CDH13: variants seen among roughly 807,000 people sequenced by gnomAD.
The protein encoded by CDH13 is cadherin-13.
CDH13 carries 24 observed loss-of-function variants against 63.8 expected under a neutral mutation model. The observed-to-expected ratio is 0.38, with a 90% CI of 0.27 to 0.53. The LOEUF (loss-of-function observed/expected upper bound fraction) is 0.53. Among genes scored for constraint, CDH13 ranks in the 20% least tolerant of loss-of-function variants. The probability of loss-of-function intolerance (pLI) is 0.85; values close to 1 mark genes in which losing one functional copy is unlikely to be tolerated. For synonymous variants in CDH13, 503 were observed against 355.3 expected (o/e 1.42, Z -4.67); for missense variants, 1,049 against 903.1 (o/e 1.16, Z -2.07).
intron 4 of CDH13, among the ~76,000 whole-genome samples, chr16:83,139,928 G>A (rs1271169587): frequency 6.6e-6 from 1 of 152,112 alleles, no homozygotes; most frequent in Non-Finnish European, 1.5e-5. Flanking sequence ...CTTGAACCCA[G>A]GAGGCAGAAG....
chr16:83,656,577 A>T (rs1313403775), intron 8 of CDH13, among the ~76,000 whole-genome samples: 1 of 152,124 alleles, frequency 6.6e-6, no homozygotes, highest in Non-Finnish European at 1.5e-5. Flanking sequence ...AGAACCCCTG[A>T]GCCATGTTAA....
intron 7 of CDH13, among the ~76,000 whole-genome samples, chr16:83,551,054 TTATATC>T (rs1184832540): frequency 0.053 from 601 of 11,296 alleles, 5 homozygotes; most frequent in Middle Eastern, 0.071. Context: ...CTTAAGTCAT[TTATATC>T]TATCTATCTA....
At chr16:82,681,824 G>A (rs1054113272) in intron 1 of CDH13, among the ~76,000 whole-genome samples, 1 of 152,214 alleles carries the variant, frequency 6.6e-6, no homozygotes. Flanking sequence ...GCGTCAATGT[G>A]TAAACACCAA....
At chr16:82,907,626 C>G (rs559343178) in intron 2 of CDH13, among the ~76,000 whole-genome samples, 3 of 152,260 alleles carry the variant, frequency 2.0e-5, no homozygotes, top group East Asian at 3.9e-4. Flanking sequence ...CATGGTGAGG[C>G]CAAAGCCATG....
At chr16:83,586,843 T>C (rs753893292) in intron 7 of CDH13, among the ~76,000 whole-genome samples, 3 of 152,230 alleles carry the variant, frequency 2.0e-5, no homozygotes, top group Non-Finnish European at 4.4e-5. Flanking sequence ...AATTAGCTTT[T>C]GGACAACAGC....
intron 2 of CDH13, among the ~76,000 whole-genome samples, chr16:82,921,240 G>C (rs1414517821): frequency 6.6e-6 from 1 of 152,082 alleles, no homozygotes; most frequent in Non-Finnish European, 1.5e-5. Flanking sequence ...GCATCAGTGG[G>C]TGGAATTAAG....
At chr16:83,738,778 T>C (rs951454101) in intron 10 of CDH13, among the ~76,000 whole-genome samples, 1 of 152,140 alleles carries the variant, frequency 6.6e-6, no homozygotes, top group Non-Finnish European at 1.5e-5. Context: ...TGGTTGCACA[T>C]GCCTGTAATC....
At chr16:83,214,306 G>C (rs1246031459) in intron 4 of CDH13, among the ~76,000 whole-genome samples, 1 of 151,976 alleles carries the variant, frequency 6.6e-6, no homozygotes, top group East Asian at 1.9e-4. Context: ...TAGGCCGGAC[G>C]TGGTGGCTCA....
intron 6 of CDH13, among the ~76,000 whole-genome samples, chr16:83,371,802 A>T (rs2091372056): frequency 6.6e-6 from 1 of 152,230 alleles, no homozygotes; most frequent in Admixed American, 6.5e-5. Context: ...ACAGTGCTTC[A>T]CGAGTCTTTT....
intron 10 of CDH13, among the ~76,000 whole-genome samples, chr16:83,698,194 G>A (rs1905677539): frequency 6.6e-6 from 1 of 152,266 alleles, no homozygotes; most frequent in Non-Finnish European, 1.5e-5. Context: ...CAGGACTGTA[G>A]TGTGTCCTGT....
At chr16:83,648,461 G>C (rs1041172335) in intron 8 of CDH13, among the ~76,000 whole-genome samples, 11 of 152,134 alleles carry the variant, frequency 7.2e-5, no homozygotes, top group African/African-American at 2.7e-4. Context: ...CTTCCTGGGT[G>C]GTGTCCATGG....
rs139067073 is a variant in CDH13 at position 83,754,469 on chromosome 16, C to G, written c.1681+6219C>G. Among the ~76,000 whole-genome samples, 503 of 152,246 alleles carry G rather than the reference C, an allele frequency of 3.3e-3. 4 individuals are homozygous for G. Among genetic ancestry groups the G allele is most frequent in the African/African-American group, 0.012 (487 of 41,536 alleles). Reference sequence around the variant, plus strand: ...TCAAGCCCTTACTAAGTTGATGAAGCAAGGCTCCATCTGATACAGTTTGGC... The same window carrying G: ...TCAAGCCCTTACTAAGTTGATGAAGGAAGGCTCCATCTGATACAGTTTGGC... On this transcript the variant is annotated intron_variant, in intron 11 of 13. Transcript: ENST00000567109.
intron 1 of CDH13, chr16:82,826,560 A>C (rs1178744349): frequency 6.6e-6 from 1 of 152,230 alleles, no homozygotes; most frequent in Non-Finnish European, 1.5e-5. Flanking sequence ...AAAGTCCTCC[A>C]AAATGTTAAA....
chr16:83,571,137 C>A (rs892405999), intron 7 of CDH13, among the ~76,000 whole-genome samples: 4 of 151,758 alleles, frequency 2.6e-5, no homozygotes, highest in Non-Finnish European at 5.9e-5. Flanking sequence ...GTCCTTTTCA[C>A]TTTATTTCAT....
chr16:83,678,897 C>T (rs1294045846), intron 10 of CDH13, among the ~76,000 whole-genome samples: 3 of 152,144 alleles, frequency 2.0e-5, no homozygotes, highest in Non-Finnish European at 4.4e-5. Context: ...CGTAGAGGTT[C>T]GGTACTTGCT....
intron 3 of CDH13, among the ~76,000 whole-genome samples, chr16:83,035,847 G>C (rs961566350): frequency 3.3e-5 from 5 of 152,198 alleles, no homozygotes; most frequent in Non-Finnish European, 7.3e-5. Context: ...TGGATTCAAT[G>C]AGACGATACA....
intron 1 of CDH13, among the ~76,000 whole-genome samples, chr16:82,686,468 T>A (rs1199500657): frequency 1.3e-5 from 2 of 152,256 alleles, no homozygotes; most frequent in African/African-American, 4.8e-5. Context: ...GGAGAGGAAC[T>A]AAAGAATGCA....
chr16:83,720,509 G>A (rs1240509969), intron 10 of CDH13, among the ~76,000 whole-genome samples: 3 of 152,094 alleles, frequency 2.0e-5, no homozygotes, highest in Admixed American at 6.5e-5. Flanking sequence ...TTGGGAGGCT[G>A]AGGCAGGAAG....
intron 3 of CDH13, among the ~76,000 whole-genome samples, chr16:83,041,045 A>C (rs146700039): frequency 6.6e-6 from 1 of 152,194 alleles, no homozygotes; most frequent in Non-Finnish European, 1.5e-5. Context: ...CTAGAGAAGA[A>C]ATTATTTCTA....
Sources: allele counts gnomAD v4.1 joint callset (sites outside exome capture counted in the v4.1 genomes callset), GRCh38; gene constraint gnomAD v4.1.1; transcripts MANE v1.5; gene names NCBI Gene and HGNC (gene_info 2026-07-23, HGNC 2026-07-21).